ARHGEF7: variants seen among roughly 807,000 people sequenced by gnomAD.
The protein encoded by ARHGEF7 is Rho guanine nucleotide exchange factor 7, also known as PAK-interacting exchange factor beta.
In ARHGEF7, 33 loss-of-function variants were observed where a neutral mutation model predicts 109.8. The ratio of observed to expected loss-of-function variants is 0.30; its 90% CI spans 0.23 to 0.40. The LOEUF is 0.40. Ranked by LOEUF, ARHGEF7 falls within the 10% of genes least tolerant of loss-of-function variation. ARHGEF7 has a pLI of 1.00. For missense variants in ARHGEF7, 938 were observed against 1,098.5 expected (o/e 0.85, Z 2.07); for synonymous variants, 458 against 424.6 (o/e 1.08, Z -0.97).
intron 16 of ARHGEF7, 81 bp downstream of exon 16, chr13:111,283,444 C>T (rs905974602): frequency 2.7e-6 from 4 of 1,488,070 alleles, no homozygotes; most frequent in Admixed American, 2.2e-5. Context: ...GCTGGGCCTT[C>T]TGTGTACAGC....
intron 6 of ARHGEF7, among the ~76,000 whole-genome samples, chr13:111,235,739 A>G (rs928587632): frequency 6.6e-6 from 1 of 152,246 alleles, no homozygotes; most frequent in African/African-American, 2.4e-5. Context: ...ACATAAAAAT[A>G]GAGAACAGAA....
intron 4 of ARHGEF7, among the ~76,000 whole-genome samples, chr13:111,217,071 A>G (rs748223018): frequency 6.6e-6 from 1 of 152,218 alleles, no homozygotes; most frequent in Non-Finnish European, 1.5e-5. Flanking sequence ...GTTTGTAGAA[A>G]CTTTTTGGAG....
Position 111,131,686 on chromosome 13 carries a change from G to A in ARHGEF7, c.165+15995G>A, listed in dbSNP as rs903917184. Among the ~76,000 whole-genome samples, 2 of 152,292 alleles carry A rather than the reference G, an allele frequency of 1.3e-5. No homozygotes were observed. The highest frequency in any genetic ancestry group is 4.8e-5 in the African/African-American group (2 of 41,558). On this transcript the variant is annotated intron_variant, in intron 1 of 21. Transcript: ENST00000646102. The surrounding 1 kb of genome is among the most constrained non-coding windows in gnomAD (Gnocchi z 4.4). ...ATTAGGAGACGGGCAGTGACCTGAG[G>A]TCAGGGGACGAGAGTGCTGGTGTGT...
At position 111,217,872 on chromosome 13, in the gene ARHGEF7, A is replaced by G; in HGVS notation, c.662A>G (p.Lys221Arg). The G allele has an allele frequency of 2.5e-6, 4 of 1,611,006 alleles. No homozygotes were observed. Among genetic ancestry groups the G allele is most frequent in the Non-Finnish European group, 3.4e-6 (4 of 1,177,534 alleles). The change falls in exon 5 of 22, where the codon AAG becomes AGG. Residue 221 changes from lysine to arginine, a missense_variant. Coordinates refer to ENST00000646102, the MANE Select transcript of ARHGEF7 (RefSeq NM_001354046.2). ...CCCAGCAACTACGTGCGCGAGGTCA[A>G]GGCCAGCGGTAAGTGGCCGAGCCTG... is the stretch of plus-strand genomic sequence containing the variant. ...WFPSNYVREVKASEKPVSPKS... is the reference protein window; with the variant it reads ...WFPSNYVREVRASEKPVSPKS...
At chr13:111,226,867 G>A (rs2085281010) in intron 5 of ARHGEF7, among the ~76,000 whole-genome samples, 1 of 152,210 alleles carries the variant, frequency 6.6e-6, no homozygotes, top group South Asian at 2.1e-4. Flanking sequence ...CCCTTTAGAT[G>A]CTGTTAAGAA....
intron 14 of ARHGEF7, 55 bp downstream of exon 14, chr13:111,280,405 C>T: frequency 6.3e-7 from 1 of 1,586,172 alleles, no homozygotes. Flanking sequence ...GGCAGCTTGT[C>T]CCCGCGTGCA....
rs1430770691 is a variant in ARHGEF7, at chr13:111,305,208, G to T, written c.*2095G>T. ...ATTGCCTTTTCTTTCTGTGGATCCA[G>T]TATCTTCCTCGGCTTTTTAGGGAGC... On this transcript the variant is annotated 3_prime_UTR_variant, in exon 22 of 22. Coordinates refer to ENST00000646102, the MANE Select transcript of ARHGEF7 (RefSeq NM_001354046.2). The T allele has an allele frequency of 6.6e-6, 1 of 152,234 alleles. No homozygotes were observed. Among genetic ancestry groups the T allele is most frequent in the Non-Finnish European group, 1.5e-5 (1 of 68,052 alleles). 9.4% of individuals were successfully genotyped at this position (152,234 alleles called of 1,614,324 possible).
chr13:111,147,842 C>T (rs1041632734), intron 1 of ARHGEF7, among the ~76,000 whole-genome samples: 21 of 151,008 alleles, frequency 1.4e-4, no homozygotes, highest in Admixed American at 2.0e-4. Flanking sequence ...GGACTACAGG[C>T]GCCCGCCACT....
At chr13:111,123,862 GCC>G (rs59479493) in intron 1 of ARHGEF7, among the ~76,000 whole-genome samples, 16,093 of 110,146 alleles carry the variant, frequency 0.15, 1,466 homozygotes, top group African/African-American at 0.19. Flanking sequence ...GGTGGGCTGC[GCC>G]CCCCCCCCCC....
intron 16 of ARHGEF7, among the ~76,000 whole-genome samples, chr13:111,285,719 A>T (rs566668521): frequency 6.6e-6 from 1 of 152,300 alleles, no homozygotes; most frequent in African/African-American, 2.4e-5. Context: ...CTGTCATTTA[A>T]TGACAACCTT....
Position 111,283,311 on chromosome 13 carries a change from G to C in ARHGEF7, c.1898G>C (p.Cys633Ser), listed in dbSNP as rs778741935. 1 of 1,569,452 alleles carries C rather than the reference G, an allele frequency of 6.4e-7. No individual in the cohort carries two copies. Among genetic ancestry groups the C allele is most frequent in the South Asian group, 1.2e-5 (1 of 86,356 alleles). The change falls in exon 16 of 22, where the codon TGC becomes TCC. Residue 633 changes from cysteine (C) to serine (S), a missense_variant. Cys to Ser is a moderately radical substitution (Grantham distance 112, BLOSUM62 -1). Coordinates refer to ENST00000646102, the MANE Select transcript of ARHGEF7 (RefSeq NM_001354046.2). ...ACACCCAAGCCCTGGAGCCTGAGCT[G>C]CCTGCGGCCCGCGCCTCCCCTCCGG... is the stretch of plus-strand genomic sequence containing the variant. ...PKTPKPWSLS[C>S]LRPAPPLRPS...
intron 9 of ARHGEF7, among the ~76,000 whole-genome samples, chr13:111,268,755 G>C (rs1329649622): frequency 1.3e-5 from 2 of 152,194 alleles, no homozygotes; most frequent in African/African-American, 2.4e-5. Flanking sequence ...CATTCACAGG[G>C]GTGTTACAAG....
At chr13:111,117,605 T>A (rs2066882663) in intron 1 of ARHGEF7, among the ~76,000 whole-genome samples, 1 of 152,194 alleles carries the variant, frequency 6.6e-6, no homozygotes, top group Non-Finnish European at 1.5e-5. Context: ...GAGATCCCTG[T>A]GTTTCAGAAG....
chr13:111,270,165 A>G (rs1345576859), intron 9 of ARHGEF7, among the ~76,000 whole-genome samples: 1 of 152,232 alleles, frequency 6.6e-6, no homozygotes, highest in Non-Finnish European at 1.5e-5. Context: ...GTCCATGGCC[A>G]GCTATTTTGA....
intron 2 of ARHGEF7, among the ~76,000 whole-genome samples, chr13:111,204,341 T>C (rs895781443): frequency 3.9e-5 from 6 of 152,216 alleles, no homozygotes; most frequent in African/African-American, 7.2e-5. Context: ...ATACACGTTT[T>C]GGTTTTTAAA....
intron 5 of ARHGEF7, among the ~76,000 whole-genome samples, chr13:111,221,575 A>G (rs1367197904): frequency 1.1e-4 from 6 of 56,476 alleles, no homozygotes; most frequent in South Asian, 5.5e-4. Context: ...ATATAGATAC[A>G]TATCTATATA....
rs2092220165 is a variant in ARHGEF7 at position 111,272,341 on chromosome 13, G to C, written c.1074-1473G>C. ...GTCTGTCTTTTCCCCGGGAGCCCTT[G>C]ATGGTTCTGGTGTCCCCGAGACCTC... On this transcript the variant is annotated intron_variant, in intron 9 of 21. Transcript: ENST00000646102. The surrounding 1 kb of genome is among the most constrained non-coding windows in gnomAD (Gnocchi z 5.2). Among the ~76,000 whole-genome samples, 1 of 152,226 alleles carries C rather than the reference G, an allele frequency of 6.6e-6. No individual in the cohort carries two copies. The highest frequency in any genetic ancestry group is 2.4e-5 in the African/African-American group (1 of 41,476).
Position 111,216,776 on chromosome 13 carries a change from C to T in ARHGEF7, c.469-903C>T, listed in dbSNP as rs527695433. Among the ~76,000 whole-genome samples, 3 of 152,286 alleles carry T rather than the reference C, an allele frequency of 2.0e-5. No individual in the cohort carries two copies. The South Asian group carries it at 6.2e-4, about 32-fold the overall frequency. On this transcript the variant is annotated intron_variant, in intron 4 of 21. Coordinates refer to ENST00000646102, the MANE Select transcript of ARHGEF7 (RefSeq NM_001354046.2). ...AGGCGGCCCTTTTCTTGCTCCTGTG[C>T]CGGCACGAGCAGGCTTCTCCTAGGG...
chr13:111,271,540 G>A (rs1292735152), intron 9 of ARHGEF7, among the ~76,000 whole-genome samples: 1 of 152,114 alleles, frequency 6.6e-6, no homozygotes, highest in Non-Finnish European at 1.5e-5. Context: ...CTCCAGCCTG[G>A]GATTGTCTCA....
Sources: gnomAD v4.1 joint callset for allele counts (sites outside exome capture counted in the v4.1 genomes callset) on GRCh38, gnomAD v4.1.1 for gene constraint, Gnocchi (gnomAD v3.1) non-coding constraint, MANE v1.5 for transcripts, NCBI Gene and HGNC (gene_info 2026-07-23, HGNC 2026-07-21) for gene names.